Variants in MECOM observed in about 807,000 individuals in gnomAD.
The protein encoded by MECOM is MDS1 and EVI1 complex locus, also known as histone-lysine N-methyltransferase MECOM.
A neutral mutation model predicts 116.3 loss-of-function variants in MECOM; 13 were observed. The ratio of observed to expected loss-of-function variants is 0.11; its 90% CI spans 0.07 to 0.18. MECOM has a LOEUF of 0.18. Among genes scored for constraint, MECOM ranks in the 10% least tolerant of loss-of-function variants. The pLI is 1.00. For missense variants in MECOM, 1,299 were observed against 1,509.0 expected, an observed-to-expected ratio of 0.86 and a Z score of 2.31; for synonymous variants, 528 against 535.2, an observed-to-expected ratio of 0.99 and a Z score of 0.19.
chr3:169,448,353 A>G (rs188484096), intron 1 of MECOM, among the ~76,000 whole-genome samples: 32 of 152,280 alleles, frequency 2.1e-4, no homozygotes, highest in African/African-American at 7.2e-4. Flanking sequence ...ATCACATGCT[A>G]AGCATCTTCT....
At chr3:169,274,495 T>C (rs564666411) in intron 2 of MECOM, among the ~76,000 whole-genome samples, 1 of 152,150 alleles carries the variant, frequency 6.6e-6, no homozygotes, top group Admixed American at 6.5e-5. Flanking sequence ...AATCAAAAGG[T>C]TGAAGCAAAA....
chr3:169,090,899 G>T (rs766523471), intron 14 of MECOM, among the ~76,000 whole-genome samples: 4 of 151,860 alleles, frequency 2.6e-5, no homozygotes, highest in African/African-American at 4.8e-5. Flanking sequence ...AAAAAGCTCA[G>T]GTATTACAAT....
At chr3:169,441,701 T>C (rs183301227) in intron 1 of MECOM, among the ~76,000 whole-genome samples, 11 of 151,824 alleles carry the variant, frequency 7.2e-5, no homozygotes, top group Non-Finnish European at 1.2e-4. Context: ...ATGCTTTTTT[T>C]AGCTATGTTA....
At chr3:169,444,561 C>T (rs1469943982) in intron 1 of MECOM, among the ~76,000 whole-genome samples, 3 of 152,154 alleles carry the variant, frequency 2.0e-5, no homozygotes, top group East Asian at 3.9e-4. Flanking sequence ...TCTGAGGTCT[C>T]CCCAGTCATG....
At chr3:169,573,313 C>CA (rs1423912826) in intron 1 of MECOM, among the ~76,000 whole-genome samples, 1 of 152,086 alleles carries the variant, frequency 6.6e-6, no homozygotes, top group Non-Finnish European at 1.5e-5. Context: ...AGCATACAAA[C>CA]AAAAAATTTT....
Position 169,101,035 on chromosome 3 carries a change from A to G in MECOM, c.2772-73T>C, listed in dbSNP as rs1723391856. The G allele has an allele frequency of 1.6e-5, 16 of 996,320 alleles. No homozygotes were observed. The East Asian group carries it at 4.1e-4, about 26-fold the overall frequency. 61.7% of individuals were successfully genotyped at this position (996,320 alleles called of 1,614,324 possible). On this transcript the variant is annotated intron_variant, in intron 11 of 16. Transcript: ENST00000651503. ...ATTTCACTCATGCCACACAGCAGCC[A>G]GATGCTTATTCCTGATTCAATTAAT...
intron 1 of MECOM, among the ~76,000 whole-genome samples, chr3:169,502,944 A>G (rs966851073): frequency 9.2e-5 from 14 of 152,146 alleles, no homozygotes; most frequent in African/African-American, 3.4e-4. Context: ...CTGAATTCAG[A>G]TGCCATATAA....
intron 1 of MECOM, among the ~76,000 whole-genome samples, chr3:169,383,541 C>A (rs1557623): frequency 0.01 from 1,551 of 152,240 alleles, 18 homozygotes; most frequent in African/African-American, 0.03. Context: ...AAGATTCTAA[C>A]CTTCATCCAA....
chr3:169,180,793 T>TTATATATATATATATATATATA lies in MECOM; in HGVS notation c.376-36962_376-36961insTATATATATATATATATATATA, dbSNP rs1415631608. Among the ~76,000 whole-genome samples, 48 of 71,142 alleles carry TTATATATATATATATATATATA rather than the reference T, an allele frequency of 6.7e-4. 5 individuals carry two copies. Among genetic ancestry groups the TTATATATATATATATATATATA allele is most frequent in the East Asian group, 1.1e-3 (2 of 1,758 alleles). The allele number at this position is 71,142 out of a possible 152,430, so 46.7% of individuals were successfully genotyped here. A position where few individuals can be genotyped will look rare whatever the true frequency, so the allele number is the denominator to read the frequency against. ...TTATGTATGTGTGTGTGTGTGGAGA[T>TTATATATATATATATATATATA]GATATATATATATATATATATCAGG... On this transcript the variant is annotated intron_variant, in intron 2 of 16. Coordinates refer to ENST00000651503, the MANE Select transcript of MECOM (RefSeq NM_004991.4).
chr3:169,201,655 T>C (rs1406240638), intron 2 of MECOM, among the ~76,000 whole-genome samples: 1 of 152,130 alleles, frequency 6.6e-6, no homozygotes, highest in East Asian at 1.9e-4. Context: ...ATTCAATATA[T>C]AAATCATGTT....
At chr3:169,543,866 A>C (rs1760396818) in intron 1 of MECOM, among the ~76,000 whole-genome samples, 1 of 152,094 alleles carries the variant, frequency 6.6e-6, no homozygotes, top group Non-Finnish European at 1.5e-5. Context: ...GTTTTCAATA[A>C]GCTGCTGTTT....
At position 169,522,586 on chromosome 3, in the gene MECOM, C is replaced by T. The variant is rs146180226; in HGVS notation, c.37+140750G>A. Among the ~76,000 whole-genome samples, 267 of 152,302 alleles carry T rather than the reference C, an allele frequency of 1.8e-3. 1 individual carries two copies. The Middle Eastern group carries it at 0.034, about 19-fold the overall frequency. ...AGATCTCTCTAGACCCACTCAGCCA[C>T]GACCAGGTGATCTCGGCATCAGCAC... On this transcript the variant is annotated intron_variant, in intron 1 of 16. Transcript: ENST00000651503.
chr3:169,591,258 A>G (rs756051293), intron 1 of MECOM, among the ~76,000 whole-genome samples: 2 of 152,224 alleles, frequency 1.3e-5, no homozygotes, highest in African/African-American at 4.8e-5. Flanking sequence ...ATCTTTGTAC[A>G]TGTAATTATA....
At chr3:169,272,327 G>A (rs1467279975) in intron 2 of MECOM, among the ~76,000 whole-genome samples, 1 of 152,138 alleles carries the variant, frequency 6.6e-6, no homozygotes, top group East Asian at 1.9e-4. Flanking sequence ...GAGAGACATA[G>A]GCTCTGGAAG....
At chr3:169,282,292 G>A (rs1712231843) in intron 2 of MECOM, among the ~76,000 whole-genome samples, 1 of 152,086 alleles carries the variant, frequency 6.6e-6, no homozygotes, top group African/African-American at 2.4e-5. Context: ...TTATTTTCAA[G>A]GTCAAGCAAG....
chr3:169,297,798 T>C (rs1439355127), intron 2 of MECOM, among the ~76,000 whole-genome samples: 1 of 152,216 alleles, frequency 6.6e-6, no homozygotes. Flanking sequence ...TCATGGCAAA[T>C]GTGCAAACTT....
Position 169,381,234 on chromosome 3 carries a change from C to T in MECOM, c.328G>A (p.Val110Met). The T allele has an allele frequency of 1.2e-6, 2 of 1,613,384 alleles. No individual in the cohort carries two copies. Among genetic ancestry groups the T allele is most frequent in the African/African-American group, 2.7e-5 (2 of 75,052 alleles). Reference sequence around the variant, plus strand: ...TTCAGGTTTGACCTCTGCTCTCCCACATAAGGCCCAAACTTTTCACCTACT... The same window carrying T: ...TTCAGGTTTGACCTCTGCTCTCCCATATAAGGCCCAAACTTTTCACCTACT... ...IEVGEKFGPY[V>M]GEQRSNLKDP... The change falls in exon 2 of 17, where the codon GTG (valine) becomes ATG (methionine). Residue 110 changes from valine to methionine, a missense_variant. Transcript: ENST00000651503.
chr3:169,147,071 C>T, intron 2 of MECOM: 1 of 989,766 alleles, frequency 1.0e-6, no homozygotes, highest in Non-Finnish European at 1.2e-6. Context: ...TTCCCCCTTC[C>T]TAAATGAGCT....
At chr3:169,635,396 C>T (rs10513679) in intron 1 of MECOM, among the ~76,000 whole-genome samples, 36,542 of 152,090 alleles carry the variant, frequency 0.24, 4,978 homozygotes, top group Non-Finnish European at 0.32. Flanking sequence ...ATACACACAC[C>T]CTGATGTAGC....
Sources: allele counts gnomAD v4.1 joint callset (sites outside exome capture counted in the v4.1 genomes callset), GRCh38; gene constraint gnomAD v4.1.1; transcripts MANE v1.5; gene names NCBI Gene and HGNC (gene_info 2026-07-23, HGNC 2026-07-21).